The following PER3 variants were observed in gnomAD, a reference collection of about 807,000 sequenced individuals.
PER3 encodes period circadian protein homolog 3.
A neutral mutation model predicts 127.2 loss-of-function variants in PER3; 107 were observed. The observed-to-expected ratio is 0.84, with a 90% confidence interval of 0.72 to 0.99. PER3 has a LOEUF of 0.99. PER3 is among the 50% of genes least tolerant of loss of function. The pLI is 0.00. For synonymous variants in PER3, 618 were observed against 585.8 expected, an observed-to-expected ratio of 1.05 and a Z score of -0.79; for missense variants, 1,560 against 1,525.8, an observed-to-expected ratio of 1.02 and a Z score of -0.37.
At chr1:7,803,249 A>G (rs1432232732) in intron 9 of PER3, 96 bp downstream of exon 9, 6 of 790,036 alleles carry the variant, frequency 7.6e-6, no homozygotes, top group Non-Finnish European at 1.4e-5. Context: ...CTTTAACCAG[A>G]GAGGCATTAC....
chr1:7,790,566 A>G (rs1229308112), intron 5 of PER3, among the ~76,000 whole-genome samples: 2 of 152,120 alleles, frequency 1.3e-5, no homozygotes, highest in East Asian at 1.9e-4. Context: ...AAGCCCTCCC[A>G]AATCTCACGT....
At chr1:7,810,327 T>C in intron 12 of PER3, 111 bp from the exon 13 acceptor site, 1 of 795,464 alleles carries the variant, frequency 1.3e-6, no homozygotes, top group Non-Finnish European at 2.0e-6. Context: ...ATTACTGTGC[T>C]TCAGTCATTA....
In PER3 at chr1:7,784,949, G is replaced by T; in HGVS notation, c.72G>T (p.Gly24=). ...ACGAGGCCCTGGGCGAAGAATCGGG[G>T]GAGCGGTGGAGCCCCGAGTTCCATC... ...AKDEALGEES[G]ERWSPEFHLQ... is the part of the protein sequence containing the mutation. Residue 24 remains glycine (G), a synonymous_variant, in exon 2 of 22, where the codon GGG becomes GGT. Transcript: ENST00000377532. The T allele has an allele frequency of 6.5e-7, 1 of 1,543,580 alleles. No individual in the cohort carries two copies. Among genetic ancestry groups the T allele is most frequent in the Non-Finnish European group, 8.6e-7 (1 of 1,156,188 alleles).
At chr1:7,839,007 A>ATT (rs891200785) in intron 21 of PER3, among the ~76,000 whole-genome samples, 2 of 98,320 alleles carry the variant, frequency 2.0e-5, no homozygotes, top group Admixed American at 9.2e-5. Flanking sequence ...TGCCATAAAG[A>ATT]TTTTTTTTTC....
At chr1:7,787,872 G>T (rs1051358141) in intron 4 of PER3, 173 bp from the exon 5 acceptor site, 5 of 610,646 alleles carry the variant, frequency 8.2e-6, no homozygotes, top group Admixed American at 2.9e-5. Context: ...CTTAGGAGAA[G>T]ATTTAAGAAG....
chr1:7,803,678 A>C lies in PER3; in HGVS notation c.980-14A>C, dbSNP rs1442788306. On this transcript the variant is annotated splice_polypyrimidine_tract_variant and intron_variant, in intron 9 of 21. Transcript: ENST00000377532. ...GTTAAGTAAATCCTATTTTTGTCTT[A>C]TTATTTTATATAGTTTTGAAGTATG... is the stretch of plus-strand genomic sequence containing the variant. 7.2e-7 allele frequency: 1 copy of C among 1,391,630 alleles called. No individual in the cohort carries two copies. Among genetic ancestry groups the C allele is most frequent in the Non-Finnish European group, 9.6e-7 (1 of 1,039,750 alleles). The allele number at this position is 1,391,630 out of a possible 1,614,324, so 86.2% of individuals were successfully genotyped here. A position where few individuals can be genotyped will look rare whatever the true frequency, so the allele number is the denominator to read the frequency against.
chr1:7,829,025 T>C (rs987487095), intron 18 of PER3, among the ~76,000 whole-genome samples: 1 of 152,184 alleles, frequency 6.6e-6, no homozygotes, highest in African/African-American at 2.4e-5. Flanking sequence ...AAGGAACTTA[T>C]TTCTTAGAGA....
chr1:7,840,128 ATTCT>A (rs1053606032), intron 21 of PER3, among the ~76,000 whole-genome samples: 2 of 151,860 alleles, frequency 1.3e-5, no homozygotes, highest in African/African-American at 4.8e-5. Flanking sequence ...TCATACGTGT[ATTCT>A]TTCTTCTGCC....
chr1:7,829,959 TCC>T lies in PER3; in HGVS notation c.3014_3015del (p.Pro1005HisfsTer77). 5.8e-6 allele frequency: 7 copies of T among 1,210,870 alleles called. No homozygotes were observed. The highest frequency in any genetic ancestry group is 3.8e-5 in the South Asian group (2 of 53,184). The allele number at this position is 1,210,870 out of a possible 1,614,324, so 75.0% of individuals were successfully genotyped here. ...TASALSTGSP[P>X]MKNPSHPTAS... is the part of the protein sequence containing the mutation. ...CCAGCGCTCTGTCCACAGGATCGCC[TCC>T]CATGAAGAATCCATCCCATCCTACT... is the stretch of plus-strand genomic sequence containing the variant. On this transcript the variant is annotated frameshift_variant, in exon 19 of 22. Transcript: ENST00000377532. LOFTEE classifies it high-confidence loss of function.
intron 10 of PER3, among the ~76,000 whole-genome samples, chr1:7,804,684 G>A (rs906024037): frequency 1.3e-5 from 2 of 151,856 alleles, no homozygotes; most frequent in African/African-American, 2.4e-5. Flanking sequence ...TTGAAGGTAC[G>A]AGCCACTGCG....
At chr1:7,804,636 A>G (rs1328624009) in intron 10 of PER3, among the ~76,000 whole-genome samples, 1 of 151,866 alleles carries the variant, frequency 6.6e-6, no homozygotes, top group Non-Finnish European at 1.5e-5. Flanking sequence ...CCTGTACTCA[A>G]GCATCCTCCT....
chr1:7,814,011 A>G (rs373771319), intron 13 of PER3, among the ~76,000 whole-genome samples: 74 of 152,350 alleles, frequency 4.9e-4, no homozygotes, highest in African/African-American at 1.5e-3. Context: ...GAAACCCTCA[A>G]ATGGAAATGT....
At chr1:7,836,923 G>A in intron 20 of PER3, 76 bp from the exon 21 acceptor site, 1 of 1,129,460 alleles carries the variant, frequency 8.9e-7, no homozygotes. Context: ...CCAAGAAGAA[G>A]TGCTATTCCT....
intron 19 of PER3, among the ~76,000 whole-genome samples, chr1:7,835,040 TAA>T (rs2097351380): frequency 6.6e-6 from 1 of 152,144 alleles, no homozygotes; most frequent in South Asian, 2.1e-4. Flanking sequence ...TTTGGTATCA[TAA>T]AGGTGATTAA....
At chr1:7,825,274 T>C (rs2097296270) in intron 16 of PER3, among the ~76,000 whole-genome samples, 1 of 152,270 alleles carries the variant, frequency 6.6e-6, no homozygotes, top group Admixed American at 6.5e-5. Context: ...GTAATTTTTT[T>C]AGAAGCAACC....
chr1:7,822,647 C>A (rs1024589991), intron 16 of PER3, among the ~76,000 whole-genome samples: 18 of 152,010 alleles, frequency 1.2e-4, no homozygotes, highest in Non-Finnish European at 4.4e-5. Context: ...CAAAGAAGAG[C>A]AGGAAAGGAG....
intron 13 of PER3, among the ~76,000 whole-genome samples, chr1:7,815,430 A>C (rs1289266923): frequency 6.6e-6 from 1 of 152,236 alleles, no homozygotes; most frequent in Non-Finnish European, 1.5e-5. Flanking sequence ...GTATTATTAC[A>C]CAAAGTAAAC....
intron 19 of PER3, among the ~76,000 whole-genome samples, 154 bp from the exon 20 acceptor site, chr1:7,835,608 A>G (rs1022477417): frequency 1.3e-5 from 2 of 152,192 alleles, no homozygotes; most frequent in African/African-American, 4.8e-5. Context: ...AAGAACCAGG[A>G]GGCTGTCCAC....
chr1:7,842,708 G>C lies in PER3; in HGVS notation c.3586G>C (p.Gly1196Arg). ...TTGTGAAAATGAAGATTCAGCTGAT[G>C]GTGCGGCCACATCCTGTGGTCAGGT... ...VTCENEDSAD[G>R]AATSCGQVLV... is the part of the protein sequence containing the mutation. Residue 1196 changes from glycine (G) to arginine (R), a missense_variant, in exon 22 of 22, where the codon GGT (glycine) becomes CGT (arginine). Physicochemically the swap from Gly to Arg is moderately radical, Grantham distance 125 (BLOSUM62 -2). This residue lies in a region of PER3 where 199 missense variants were observed against 198.6 expected (regional missense o/e 1.00). Transcript: ENST00000377532. The C allele has an allele frequency of 3.1e-6, 5 of 1,613,480 alleles. No individual in the cohort carries two copies. The highest frequency in any genetic ancestry group is 4.2e-6 in the Non-Finnish European group (5 of 1,179,568).
Sources: gnomAD v4.1 joint callset for allele counts (sites outside exome capture counted in the v4.1 genomes callset) on GRCh38, gnomAD v4.1.1 for gene constraint, gnomAD v4.1.1 regional missense constraint, MANE v1.5 for transcripts, NCBI Gene and HGNC (gene_info 2026-07-23, HGNC 2026-07-21) for gene names.